COL11A1: variants seen among roughly 807,000 people sequenced by gnomAD.
COL11A1 encodes collagen alpha-1(XI) chain.
COL11A1 carries 74 observed loss-of-function variants against 265.2 expected under a neutral mutation model. The ratio of observed to expected loss-of-function variants is 0.28; its 90% CI spans 0.23 to 0.34. The LOEUF is 0.34. COL11A1 is among the 10% of genes least tolerant of loss of function. The pLI is 1.00. For missense variants in COL11A1, 2,165 were observed against 2,263.6 expected, an observed-to-expected ratio of 0.96 and a Z score of 0.88; for synonymous variants, 816 against 727.6, an observed-to-expected ratio of 1.12 and a Z score of -1.96.
chr1:102,919,817 G>A (rs993471), intron 49 of COL11A1, among the ~76,000 whole-genome samples: 75,307 of 151,866 alleles, frequency 0.5, 22,433 homozygotes, highest in East Asian at 0.7. Context: ...CAGAGTATTC[G>A]TAATGAAAAT....
intron 9 of COL11A1, among the ~76,000 whole-genome samples, chr1:103,019,334 T>C (rs1486609046): frequency 2.6e-5 from 4 of 152,092 alleles, no homozygotes; most frequent in Non-Finnish European, 5.9e-5. Flanking sequence ...ATAAATATGA[T>C]ATAAGCTCTT....
At chr1:103,058,504 G>C (rs1176826621) in intron 4 of COL11A1, among the ~76,000 whole-genome samples, 3 of 152,100 alleles carry the variant, frequency 2.0e-5, no homozygotes, top group Non-Finnish European at 1.5e-5. Flanking sequence ...CTGGCCTTTG[G>C]CTTATCTCAG....
rs929391817 is a variant in COL11A1 at position 102,987,507 on chromosome 1, A to G, written c.2502+126T>C. On this transcript the variant is annotated intron_variant, in intron 30 of 66. Transcript: ENST00000370096. Reference sequence around the variant, plus strand: ...ATGTAATGGTTGCAAATTTAAAATGATAATGAAACATTTTATCTTTAATGT... The same window carrying G: ...ATGTAATGGTTGCAAATTTAAAATGGTAATGAAACATTTTATCTTTAATGT... 1.0e-5 allele frequency: 8 copies of G among 776,360 alleles called. No individual in the cohort carries two copies. In the Admixed American group the frequency reaches 1.4e-4, roughly 14 times the overall value. 48.1% of individuals were successfully genotyped at this position (776,360 alleles called of 1,614,324 possible).
intron 4 of COL11A1, among the ~76,000 whole-genome samples, chr1:103,036,506 G>A (rs1446818895): frequency 6.6e-6 from 1 of 150,772 alleles, no homozygotes; most frequent in East Asian, 1.9e-4. Flanking sequence ...TTGACTAAAT[G>A]GAATCCTGCC....
chr1:102,968,054 T>A (rs1027509048), intron 37 of COL11A1, among the ~76,000 whole-genome samples: 5 of 152,190 alleles, frequency 3.3e-5, no homozygotes, highest in African/African-American at 1.2e-4. Flanking sequence ...ATTCAGAGTG[T>A]TTGCAAGTAT....
At chr1:103,041,307 C>A (rs147075609) in intron 4 of COL11A1, among the ~76,000 whole-genome samples, 1 of 151,758 alleles carries the variant, frequency 6.6e-6, no homozygotes, top group African/African-American at 2.4e-5. Flanking sequence ...TGAACTGACA[C>A]GTTTATTCCT....
chr1:103,037,349 A>C (rs1000603973), intron 4 of COL11A1, among the ~76,000 whole-genome samples: 8 of 151,834 alleles, frequency 5.3e-5, no homozygotes, highest in African/African-American at 1.9e-4. Flanking sequence ...TTAAGGTCAC[A>C]TGTCAATGTG....
intron 41 of COL11A1, among the ~76,000 whole-genome samples, chr1:102,958,731 A>C (rs987979963): frequency 2.6e-5 from 4 of 152,214 alleles, no homozygotes; most frequent in African/African-American, 4.8e-5. Context: ...TATTAATTTC[A>C]AATAAACACA....
chr1:102,887,233 A>G (rs1375957934), intron 62 of COL11A1, among the ~76,000 whole-genome samples, 177 bp from the exon 63 acceptor site: 2 of 152,178 alleles, frequency 1.3e-5, no homozygotes, highest in South Asian at 2.1e-4. Flanking sequence ...AGATTCTTCT[A>G]TGATGAACTT....
intron 4 of COL11A1, among the ~76,000 whole-genome samples, chr1:103,060,065 TA>T (rs34614938): frequency 0.034 from 5,188 of 152,118 alleles, 118 homozygotes; most frequent in Middle Eastern, 0.092. Context: ...CATTTTCAAA[TA>T]TCAGAAAATC....
At chr1:103,002,027 A>C in intron 23 of COL11A1, 58 bp from the exon 24 acceptor site, 1 of 1,411,870 alleles carries the variant, frequency 7.1e-7, no homozygotes, top group Non-Finnish European at 1.0e-6. Context: ...ATATGCTTTT[A>C]AAACAGCAAA....
intron 14 of COL11A1, 52 bp from the exon 15 acceptor site, chr1:103,008,568 C>T (rs1443520438): frequency 7.0e-7 from 1 of 1,423,186 alleles, no homozygotes. Flanking sequence ...TTCCTAACTA[C>T]TTTTATCCTG....
At chr1:103,060,417 G>T (rs1670581342) in intron 4 of COL11A1, among the ~76,000 whole-genome samples, 1 of 152,034 alleles carries the variant, frequency 6.6e-6, no homozygotes, top group African/African-American at 2.4e-5. Context: ...AAACTATTCA[G>T]AGAATGAATA....
chr1:103,055,738 A>G (rs1340966701), intron 4 of COL11A1, among the ~76,000 whole-genome samples: 1 of 152,214 alleles, frequency 6.6e-6, no homozygotes, highest in Non-Finnish European at 1.5e-5. Context: ...AGCTTTCATT[A>G]GTCTTAGTGT....
At chr1:102,898,918 T>C (rs372259972) in intron 55 of COL11A1, 23 bp downstream of exon 55, 168 of 1,189,914 alleles carry the variant, frequency 1.4e-4, no homozygotes, top group Non-Finnish European at 1.8e-4. Flanking sequence ...ATATATATTA[T>C]GTATATATTA....
At chr1:102,881,085 ATAAT>A (rs1169840485) in intron 65 of COL11A1, among the ~76,000 whole-genome samples, 2 of 152,126 alleles carry the variant, frequency 1.3e-5, no homozygotes, top group Non-Finnish European at 2.9e-5. Flanking sequence ...AAACAACTGA[ATAAT>A]TATCTGGATA....
Position 102,889,549 on chromosome 1 carries a change from A to T in COL11A1, c.4370T>A (p.Leu1457Ter). The T allele has an allele frequency of 6.2e-7, 1 of 1,613,428 alleles. No individual in the cohort carries two copies. The highest frequency in any genetic ancestry group is 8.5e-7 in the Non-Finnish European group (1 of 1,179,538). ...GSKGEKGHPGLIGLIGPPGEQ... is the reference protein window; with the variant it reads ...GSKGEKGHPG Reference sequence around the variant, plus strand: ...TCCTGGAGGACCAATCAGGCCAATTAAACCAGGATGTCCCTTTGAAAGGCA... The same window carrying T: ...TCCTGGAGGACCAATCAGGCCAATTTAACCAGGATGTCCCTTTGAAAGGCA... The change falls in exon 59 of 67, where the codon TTA becomes TAA. Residue 1457 changes from leucine (L) to a stop codon, truncating the protein, a stop_gained. Coordinates refer to ENST00000370096, the MANE Select transcript of COL11A1 (RefSeq NM_001854.4). LOFTEE classifies it high-confidence loss of function.
intron 57 of COL11A1, among the ~76,000 whole-genome samples, chr1:102,892,735 G>A: frequency 6.6e-6 from 1 of 152,030 alleles, no homozygotes. Flanking sequence ...ACTATTATTA[G>A]GTATACTTAT....
intron 15 of COL11A1, among the ~76,000 whole-genome samples, chr1:103,006,540 T>C (rs1395639450): frequency 7.6e-6 from 1 of 131,122 alleles, no homozygotes; most frequent in Non-Finnish European, 1.6e-5. Context: ...TTTTTTTTTT[T>C]TTTTTTTTTT....
Sources: gnomAD v4.1 joint callset for allele counts (sites outside exome capture counted in the v4.1 genomes callset) on GRCh38, gnomAD v4.1.1 for gene constraint, MANE v1.5 for transcripts, NCBI Gene and HGNC (gene_info 2026-07-23, HGNC 2026-07-21) for gene names.